DMD: variants seen among roughly 807,000 people sequenced by gnomAD.
DMD encodes the protein dystrophin.
A neutral mutation model predicts 330.1 loss-of-function variants in DMD; 63 were observed. The ratio of observed to expected loss-of-function variants is 0.19; its 90% CI spans 0.16 to 0.24. The LOEUF (loss-of-function observed/expected upper bound fraction) is 0.24. Among genes scored for constraint, DMD ranks in the 10% least tolerant of loss-of-function variants. The pLI, the probability that DMD is intolerant of heterozygous loss-of-function variation, is 1.00. For missense variants in DMD, 3,344 were observed against 2,684.1 expected (o/e 1.25, Z -5.43); for synonymous variants, 1,223 against 959.8 (o/e 1.27, Z -5.07).
At chrX:31,317,871 C>A (rs962933869) in intron 62 of DMD, among the ~76,000 whole-genome samples, 8 of 112,086 alleles carry the variant, frequency 7.1e-5, no homozygotes, top group African/African-American at 2.6e-4. Flanking sequence ...GAGCCCATCT[C>A]ATTGTCAGAA....
intron 4 of DMD, among the ~76,000 whole-genome samples, chrX:32,842,730 T>C (rs1378411161): frequency 3.6e-5 from 4 of 112,091 alleles, no homozygotes; most frequent in Non-Finnish European, 5.6e-5. Context: ...GACTCATCCA[T>C]GTTGCTGCAA....
At chrX:32,240,414 G>A (rs753368387) in intron 43 of DMD, among the ~76,000 whole-genome samples, 4 of 111,185 alleles carry the variant, frequency 3.6e-5, no homozygotes, top group Non-Finnish European at 7.5e-5. Context: ...GCCTTGTGAG[G>A]TTACAGTGAG....
intron 21 of DMD, among the ~76,000 whole-genome samples, chrX:32,478,429 T>C (rs767072782): frequency 2.0e-4 from 22 of 111,734 alleles, no homozygotes; most frequent in Non-Finnish European, 4.0e-4. Flanking sequence ...CTCCAAACTT[T>C]ATTAAATAAC....
chrX:32,894,324 G>A (rs909913321), intron 2 of DMD, among the ~76,000 whole-genome samples: 1 of 111,570 alleles, frequency 9.0e-6, no homozygotes, highest in African/African-American at 3.3e-5. Flanking sequence ...GGTTTTATTA[G>A]AGGTTTACAT....
At chrX:32,908,826 C>T (rs1053579921) in intron 2 of DMD, among the ~76,000 whole-genome samples, 59 of 111,352 alleles carry the variant, frequency 5.3e-4, no homozygotes, top group Non-Finnish European at 3.6e-4. Context: ...TTAAAAATTC[C>T]GTGTCATGCC....
intron 1 of DMD, among the ~76,000 whole-genome samples, chrX:33,043,800 C>T (rs915669129): frequency 9.1e-6 from 1 of 109,894 alleles, no homozygotes; most frequent in Non-Finnish European, 1.9e-5. Context: ...CGTCATTTAA[C>T]ATTAGGTATA....
intron 59 of DMD, among the ~76,000 whole-genome samples, chrX:31,458,534 AAT>A (rs1433117086): frequency 6.6e-4 from 69 of 104,532 alleles, no homozygotes; most frequent in African/African-American, 2.3e-3. Flanking sequence ...AAAAAAAAAA[AAT>A]CACTCATTGG....
At chrX:32,502,025 G>A (rs72468686) in intron 18 of DMD, among the ~76,000 whole-genome samples, 183 bp from the exon 19 acceptor site, 2 of 111,924 alleles carry the variant, frequency 1.8e-5, no homozygotes, top group Non-Finnish European at 1.9e-5. Context: ...ATAAAAGCAT[G>A]AGCCATTTTC....
intron 3 of DMD, among the ~76,000 whole-genome samples, chrX:32,847,125 C>G (rs1254528443): frequency 8.9e-6 from 1 of 112,085 alleles, no homozygotes; most frequent in East Asian, 2.8e-4. Context: ...AAAATAATTA[C>G]TCAAATCAGT....
chrX:32,395,852 G>A (rs1364767918), intron 30 of DMD, among the ~76,000 whole-genome samples: 3 of 111,468 alleles, frequency 2.7e-5, no homozygotes, highest in Non-Finnish European at 5.6e-5. Flanking sequence ...CTATCTAGAT[G>A]AGGAATTAGT....
intron 1 of DMD, among the ~76,000 whole-genome samples, chrX:33,185,672 G>C (rs1454901478): frequency 9.0e-6 from 1 of 111,367 alleles, no homozygotes; most frequent in Non-Finnish European, 1.9e-5. Context: ...ACAATTCTAA[G>C]TTGATGTCTC....
chrX:32,534,607 A>C (rs180785313), intron 17 of DMD, among the ~76,000 whole-genome samples: 1 of 111,454 alleles, frequency 9.0e-6, no homozygotes, highest in Admixed American at 9.5e-5. Flanking sequence ...ACTCAGTTGC[A>C]GGTATTTCTT....
At chrX:32,140,675 G>A (rs948096586) in intron 44 of DMD, among the ~76,000 whole-genome samples, 2 of 111,759 alleles carry the variant, frequency 1.8e-5, no homozygotes, top group African/African-American at 6.5e-5. Context: ...GAATCATGGT[G>A]GGAGGTGAAA....
At chrX:31,471,734 T>C (rs188888968) in intron 59 of DMD, among the ~76,000 whole-genome samples, 11 of 112,591 alleles carry the variant, frequency 9.8e-5, no homozygotes, top group Non-Finnish European at 1.9e-4. Context: ...ACATAATCCA[T>C]AATCTTACAA....
intron 48 of DMD, among the ~76,000 whole-genome samples, chrX:31,840,241 A>G (rs1040009427): frequency 5.4e-5 from 6 of 111,706 alleles, no homozygotes; most frequent in Non-Finnish European, 5.6e-5. Context: ...AAAGATTTAT[A>G]TTTCTAAAAT....
Position 32,809,549 on chromosome X carries a change from T to G in DMD, c.593A>C (p.His198Pro). Residue 198 changes from histidine (H) to proline (P), a missense_variant, in exon 7 of 79, where the codon CAT (histidine) becomes CCT (proline). By Grantham distance (77) the His-to-Pro change is moderately conservative. Coordinates refer to ENST00000357033, the MANE Select transcript of DMD (RefSeq NM_004006.3). Reference protein sequence around the residue: ...CQQSATQRLEHAFNIARYQLG... With the variant: ...CQQSATQRLEPAFNIARYQLG... ...TTGATATCTGGCGATGTTGAATGCA[T>G]GTTCCAGTCGTTGTGTGGCTGACTG... 3.3e-6 allele frequency: 4 copies of G among 1,211,401 alleles called. No homozygotes were observed. Among genetic ancestry groups the G allele is most frequent in the Non-Finnish European group, 4.5e-6 (4 of 895,397 alleles).
chrX:32,863,372 C>A (rs1337965083), intron 2 of DMD, among the ~76,000 whole-genome samples: 1 of 108,701 alleles, frequency 9.2e-6, no homozygotes, highest in African/African-American at 3.4e-5. Context: ...CAAAAGTTAG[C>A]TGGGCATGGT....
intron 2 of DMD, among the ~76,000 whole-genome samples, chrX:32,911,875 C>A (rs1006499902): frequency 9.0e-6 from 1 of 111,208 alleles, no homozygotes; most frequent in African/African-American, 3.3e-5. Flanking sequence ...AATCAGAAAG[C>A]TTAAATTATA....
chrX:31,620,915 C>T (rs2078497584), intron 55 of DMD, among the ~76,000 whole-genome samples: 1 of 111,664 alleles, frequency 9.0e-6, no homozygotes, highest in South Asian at 3.7e-4. Context: ...CAAATAACGA[C>T]ATAAATTTGT....
Sources: allele counts gnomAD v4.1 joint callset (sites outside exome capture counted in the v4.1 genomes callset), GRCh38; gene constraint gnomAD v4.1.1; transcripts MANE v1.5; gene names NCBI Gene and HGNC (gene_info 2026-07-23, HGNC 2026-07-21).